IL1RAPL1: variants seen among roughly 807,000 people sequenced by gnomAD.
The protein encoded by IL1RAPL1 is interleukin-1 receptor accessory protein-like 1.
IL1RAPL1 carries 3 observed loss-of-function variants against 48.4 expected under a neutral mutation model. The ratio of observed to expected loss-of-function variants is 0.06; its 90% CI spans 0.03 to 0.16. The LOEUF is 0.16. Among genes scored for constraint, IL1RAPL1 ranks in the 10% least tolerant of loss-of-function variants. The pLI is 1.00. For missense variants in IL1RAPL1, 349 were observed against 530.6 expected (o/e 0.66, Z 3.36); for synonymous variants, 185 against 187.7 (o/e 0.99, Z 0.12).
In IL1RAPL1 at chrX:28,790,141, A is replaced by G; in HGVS notation, c.82+716A>G. 2.7e-5 allele frequency among the ~76,000 whole-genome samples: 3 copies of G among 112,170 alleles called. No individual in the cohort carries two copies. The Middle Eastern group carries it at 0.014, about 515-fold the overall frequency. On this transcript the variant is annotated intron_variant, in intron 2 of 10. Coordinates refer to ENST00000378993, the MANE Select transcript of IL1RAPL1 (RefSeq NM_014271.4). ...TAATATAAAGCCTTGCCATGCTCACACTATGTGGAGTCACATAATTTTTGA... is the reference window on the plus strand; with the variant it reads ...TAATATAAAGCCTTGCCATGCTCACGCTATGTGGAGTCACATAATTTTTGA...
rs186823337 is a variant in IL1RAPL1 at position 29,420,630 on chromosome X, C to T, written c.703+21322C>T. On this transcript the variant is annotated intron_variant, in intron 5 of 10. Transcript: ENST00000378993. ...CTTTCACACTAGCCTGTAAGGCCCT[C>T]GAGCCACGACTTTGTCTTCAGCATT... is the stretch of plus-strand genomic sequence containing the variant. Among the ~76,000 whole-genome samples, 362 of 112,037 alleles carry T rather than the reference C, an allele frequency of 3.2e-3. 5 individuals carry two copies. Among genetic ancestry groups the T allele is most frequent in the African/African-American group, 0.011 (344 of 30,858 alleles).
chrX:28,622,525 T>C (rs1473586141), intron 1 of IL1RAPL1, among the ~76,000 whole-genome samples: 13 of 112,192 alleles, frequency 1.2e-4, no homozygotes. Flanking sequence ...GATCATAAAA[T>C]TCATTTATGC....
intron 2 of IL1RAPL1, among the ~76,000 whole-genome samples, chrX:29,036,966 C>CT (rs1413786804): frequency 4.5e-5 from 5 of 111,829 alleles, no homozygotes; most frequent in African/African-American, 1.3e-4. Flanking sequence ...GAAAGTGCTA[C>CT]TATAAGAGCT....
At chrX:29,181,012 T>G (rs1001942733) in intron 2 of IL1RAPL1, among the ~76,000 whole-genome samples, 48 of 111,917 alleles carry the variant, frequency 4.3e-4, no homozygotes, top group African/African-American at 1.5e-3. Context: ...CTTCTTTTGA[T>G]AAATATAATT....
chrX:29,282,008 C>T (rs1251020877), intron 2 of IL1RAPL1, among the ~76,000 whole-genome samples: 1 of 111,200 alleles, frequency 9.0e-6, no homozygotes, highest in Admixed American at 9.6e-5. Context: ...AGAGCAAGCT[C>T]TCTGGTGTCT....
At chrX:29,547,600 C>G (rs1369963362) in intron 5 of IL1RAPL1, among the ~76,000 whole-genome samples, 1 of 111,519 alleles carries the variant, frequency 9.0e-6, no homozygotes, top group Non-Finnish European at 1.9e-5. Flanking sequence ...CAATTTTGGC[C>G]TATTTTAAAA....
chrX:29,429,931 T>A (rs1220974390), intron 5 of IL1RAPL1, among the ~76,000 whole-genome samples: 1 of 76,531 alleles, frequency 1.3e-5, no homozygotes, highest in African/African-American at 4.6e-5. Context: ...GTGTGTATTT[T>A]TTTTTTTAAA....
At chrX:28,990,345 G>A (rs1327036406) in intron 2 of IL1RAPL1, among the ~76,000 whole-genome samples, 3 of 112,073 alleles carry the variant, frequency 2.7e-5, no homozygotes, top group Non-Finnish European at 5.6e-5. Flanking sequence ...CATCTCAGAA[G>A]TTTCTTAAAA....
intron 5 of IL1RAPL1, among the ~76,000 whole-genome samples, chrX:29,490,561 A>G (rs995562553): frequency 4.5e-5 from 5 of 111,479 alleles, no homozygotes; most frequent in African/African-American, 1.6e-4. Flanking sequence ...ATAATTTGAC[A>G]AAAATGGAAG....
intron 5 of IL1RAPL1, among the ~76,000 whole-genome samples, chrX:29,498,088 G>A (rs969944899): frequency 3.0e-4 from 34 of 112,257 alleles, no homozygotes; most frequent in African/African-American, 1.1e-3. Flanking sequence ...CGCTAACCAT[G>A]ATGACATATT....
intron 5 of IL1RAPL1, among the ~76,000 whole-genome samples, chrX:29,533,773 T>G (rs1368228248): frequency 8.9e-6 from 1 of 112,087 alleles, no homozygotes; most frequent in East Asian, 2.8e-4. Flanking sequence ...GTTTTTTATT[T>G]ATCATATCCA....
At chrX:29,651,291 AAGTG>A (rs994038329) in intron 5 of IL1RAPL1, among the ~76,000 whole-genome samples, 3 of 111,257 alleles carry the variant, frequency 2.7e-5, no homozygotes, top group Non-Finnish European at 3.8e-5. Context: ...AAAGAAAACG[AAGTG>A]AGTATGTCAG....
intron 6 of IL1RAPL1, among the ~76,000 whole-genome samples, chrX:29,710,911 G>A (rs925126999): frequency 8.4e-5 from 9 of 106,573 alleles, no homozygotes; most frequent in South Asian, 4.1e-4. Flanking sequence ...GTGAATCTTC[G>A]GATCTGTTTA....
chrX:29,678,589 C>CT (rs1266783025), intron 6 of IL1RAPL1, among the ~76,000 whole-genome samples: 1 of 107,564 alleles, frequency 9.3e-6, no homozygotes, highest in Non-Finnish European at 1.9e-5. Context: ...AGGATGGTCT[C>CT]GATCTCCTGA....
At chrX:29,870,577 C>T (rs749681786) in intron 6 of IL1RAPL1, among the ~76,000 whole-genome samples, 1 of 111,385 alleles carries the variant, frequency 9.0e-6, no homozygotes, top group South Asian at 3.8e-4. Flanking sequence ...TATAGATTAC[C>T]CTCCTAATTA....
chrX:29,448,099 C>T (rs1470787624), intron 5 of IL1RAPL1, among the ~76,000 whole-genome samples: 2 of 111,947 alleles, frequency 1.8e-5, no homozygotes, highest in Non-Finnish European at 3.8e-5. Flanking sequence ...AACATTACGT[C>T]ATAGGAGAGA....
At chrX:28,624,976 G>A (rs1934323096) in intron 1 of IL1RAPL1, among the ~76,000 whole-genome samples, 1 of 111,721 alleles carries the variant, frequency 9.0e-6, no homozygotes, top group South Asian at 3.8e-4. Flanking sequence ...ACTTTAGTTG[G>A]ATCATAAAGA....
intron 6 of IL1RAPL1, among the ~76,000 whole-genome samples, chrX:29,819,978 A>G (rs978672003): frequency 9.4e-6 from 1 of 106,581 alleles, no homozygotes; most frequent in Non-Finnish European, 1.9e-5. Context: ...TATAAATACA[A>G]TATTATATAA....
At chrX:29,449,393 G>A (rs148338212) in intron 5 of IL1RAPL1, among the ~76,000 whole-genome samples, 40 of 111,015 alleles carry the variant, frequency 3.6e-4, no homozygotes, top group Non-Finnish European at 5.7e-4. Context: ...AGAGAGTGAA[G>A]AGGCAGGGAG....
Sources: allele counts gnomAD v4.1 joint callset (sites outside exome capture counted in the v4.1 genomes callset), GRCh38; gene constraint gnomAD v4.1.1; transcripts MANE v1.5; gene names NCBI Gene and HGNC (gene_info 2026-07-23, HGNC 2026-07-21).